Variants in TRHDE observed in about 807,000 individuals in gnomAD.
TRHDE encodes the protein thyrotropin-releasing hormone-degrading ectoenzyme.
A neutral mutation model predicts 125.7 loss-of-function variants in TRHDE; 72 were observed. The ratio of observed to expected loss-of-function variants is 0.57; its 90% CI spans 0.47 to 0.70. The LOEUF (loss-of-function observed/expected upper bound fraction) is 0.70, where lower values mean the gene tolerates loss of function less well. TRHDE is among the 30% of genes least tolerant of loss of function. TRHDE has a pLI of 0.00. For missense variants in TRHDE, 1,110 were observed against 1,327.1 expected, an observed-to-expected ratio of 0.84 and a Z score of 2.54; for synonymous variants, 509 against 509.1, an observed-to-expected ratio of 1.00 and a Z score of 0.00.
chr12:72,445,066 G>A (rs1362730183), intron 3 of TRHDE, among the ~76,000 whole-genome samples: 2 of 151,676 alleles, frequency 1.3e-5, no homozygotes, highest in African/African-American at 2.4e-5. Context: ...CTTCTAAGAC[G>A]TCTTAACAAG....
rs150025770 is a variant in TRHDE, at chr12:72,091,366, G to A, written n.174+3927G>A. 3.9e-5 allele frequency among the ~76,000 whole-genome samples: 6 copies of A among 152,192 alleles called. No homozygotes were observed. In the East Asian group the frequency reaches 9.7e-4, roughly 25 times the overall value. ...CAACCTGCATCCTGTAATAGCCTATGGGTTCTAGTTAAAATCCTTCATGTA... is the reference window on the plus strand; with the variant it reads ...CAACCTGCATCCTGTAATAGCCTATAGGTTCTAGTTAAAATCCTTCATGTA... On this transcript the variant is annotated intron_variant and non_coding_transcript_variant, in intron 1 of 4. Coordinates refer to the TRHDE transcript ENST00000548156.
intron 9 of TRHDE, among the ~76,000 whole-genome samples, chr12:72,563,683 T>C (rs531166483): frequency 2.6e-5 from 4 of 152,274 alleles, no homozygotes; most frequent in Admixed American, 2.6e-4. Flanking sequence ...TTCTACTTTA[T>C]GTTTTCTATT....
At chr12:72,285,570 G>A (rs1879852327) in intron 1 of TRHDE, among the ~76,000 whole-genome samples, 1 of 147,644 alleles carries the variant, frequency 6.8e-6, no homozygotes, top group Non-Finnish European at 1.5e-5. Flanking sequence ...CGCCAGGCTG[G>A]AGTGCAGTGG....
intron 6 of TRHDE, among the ~76,000 whole-genome samples, chr12:72,515,993 T>C (rs1565773854): frequency 6.8e-6 from 1 of 147,120 alleles, no homozygotes; most frequent in Non-Finnish European, 1.5e-5. Flanking sequence ...TCTGTTCCAT[T>C]GATCTATATC....
intron 5 of TRHDE, among the ~76,000 whole-genome samples, chr12:72,476,685 G>A (rs1463321864): frequency 6.6e-6 from 1 of 152,228 alleles, no homozygotes; most frequent in Non-Finnish European, 1.5e-5. Flanking sequence ...TAGGCATCAA[G>A]GCTCAAACAC....
intron 3 of TRHDE, among the ~76,000 whole-genome samples, chr12:72,403,417 G>A (rs1181695246): frequency 1.3e-5 from 2 of 152,104 alleles, no homozygotes; most frequent in Non-Finnish European, 1.5e-5. Flanking sequence ...TGTTTGCTAT[G>A]TGCCAAGCAC....
chr12:72,344,167 T>G (rs957043044), intron 2 of TRHDE, among the ~76,000 whole-genome samples: 9 of 152,044 alleles, frequency 5.9e-5, no homozygotes, highest in African/African-American at 2.2e-4. Flanking sequence ...TAGGAGTAGA[T>G]GAAGAACTGT....
intron 2 of TRHDE, among the ~76,000 whole-genome samples, chr12:72,184,267 T>C (rs77998636): frequency 6.6e-6 from 1 of 152,194 alleles, no homozygotes; most frequent in African/African-American, 2.4e-5. Context: ...TTGCTGGATG[T>C]ACAGGCATAA....
intron 12 of TRHDE, among the ~76,000 whole-genome samples, chr12:72,606,737 GAA>G (rs1200189586): frequency 1.3e-5 from 2 of 152,032 alleles, no homozygotes; most frequent in African/African-American, 4.8e-5. Flanking sequence ...ACACACACTG[GAA>G]AAAGAGTGTA....
intron 10 of TRHDE, among the ~76,000 whole-genome samples, chr12:72,573,312 T>C (rs1271176373): frequency 2.0e-5 from 3 of 151,978 alleles, no homozygotes; most frequent in Non-Finnish European, 4.4e-5. Flanking sequence ...AAAATAGATA[T>C]GAAATTCTAA....
At chr12:72,316,298 C>T (rs1565695673) in intron 2 of TRHDE, among the ~76,000 whole-genome samples, 1 of 152,098 alleles carries the variant, frequency 6.6e-6, no homozygotes, top group South Asian at 2.1e-4. Flanking sequence ...TGCTGCCTCA[C>T]CCTTCTCATT....
intron 12 of TRHDE, among the ~76,000 whole-genome samples, chr12:72,598,668 T>C (rs557384986): frequency 8.5e-5 from 13 of 152,292 alleles, no homozygotes; most frequent in Middle Eastern, 3.4e-3. Context: ...AGTTTATTAA[T>C]TAGATTTTGG....
At chr12:72,159,984 C>T (rs1255733608) in intron 2 of TRHDE, among the ~76,000 whole-genome samples, 1 of 151,936 alleles carries the variant, frequency 6.6e-6, no homozygotes, top group Non-Finnish European at 1.5e-5. Context: ...TAGTTATTTT[C>T]TAAATCTAAT....
intron 3 of TRHDE, among the ~76,000 whole-genome samples, chr12:72,450,360 C>T (rs531318569): frequency 4.1e-4 from 62 of 151,984 alleles, no homozygotes; most frequent in African/African-American, 1.3e-3. Flanking sequence ...AATTAAGAAT[C>T]GGTGGAAGTG....
At chr12:72,159,830 T>C (rs1315023208) in intron 2 of TRHDE, among the ~76,000 whole-genome samples, 1 of 152,174 alleles carries the variant, frequency 6.6e-6, no homozygotes. Context: ...AAATACTATG[T>C]TAAGTTCTCC....
chr12:72,389,347 T>C (rs1342793468), intron 3 of TRHDE, among the ~76,000 whole-genome samples: 1 of 152,032 alleles, frequency 6.6e-6, no homozygotes, highest in Non-Finnish European at 1.5e-5. Context: ...TGAAATGAAA[T>C]CTTTGAAGTA....
intron 2 of TRHDE, among the ~76,000 whole-genome samples, chr12:72,146,333 G>T (rs61553783): frequency 6.6e-6 from 1 of 152,042 alleles, no homozygotes; most frequent in African/African-American, 2.4e-5. Context: ...TGGACTAATC[G>T]TTTTTCCCCA....
chr12:72,529,530 T>C lies in TRHDE; in HGVS notation c.1723-12761T>C, dbSNP rs138669759. ...TATTTATCTTTGCTGCTATACAATA[T>C]GTAAAAAGCACAGTTTATAAATCCA... On this transcript the variant is annotated intron_variant, in intron 6 of 18. Coordinates refer to ENST00000261180, the MANE Select transcript of TRHDE (RefSeq NM_013381.3). Among the ~76,000 whole-genome samples the C allele has an allele frequency of 2.6e-3, 394 of 152,308 alleles. 4 individuals are homozygous for C. The highest frequency in any genetic ancestry group is 8.4e-3 in the African/African-American group (351 of 41,572).
intron 2 of TRHDE, among the ~76,000 whole-genome samples, chr12:72,338,436 A>C (rs1869928946): frequency 6.6e-6 from 1 of 152,208 alleles, no homozygotes; most frequent in Non-Finnish European, 1.5e-5. Flanking sequence ...AGAACGTGGG[A>C]TCATTGATGG....
Sources: gnomAD v4.1 joint callset for allele counts (sites outside exome capture counted in the v4.1 genomes callset) on GRCh38, gnomAD v4.1.1 for gene constraint, MANE v1.5 for transcripts, NCBI Gene and HGNC (gene_info 2026-07-23, HGNC 2026-07-21) for gene names.